The following CHMP2B variants were observed in gnomAD, a reference collection of about 807,000 sequenced individuals.
CHMP2B encodes charged multivesicular body protein 2B, also known as VPS2 homolog B.
CHMP2B carries 22 observed loss-of-function variants against 29.8 expected under a neutral mutation model. The ratio of observed to expected loss-of-function variants is 0.74; its 90% CI spans 0.53 to 1.05. The LOEUF is 1.05. Among genes scored for constraint, CHMP2B ranks in the 50% least tolerant of loss-of-function variants. CHMP2B has a pLI of 0.00. For missense variants in CHMP2B, 261 were observed against 252.2 expected, an observed-to-expected ratio of 1.03 and a Z score of -0.24; for synonymous variants, 78 against 75.8, an observed-to-expected ratio of 1.03 and a Z score of -0.15.
At chr3:87,233,841 A>G (rs1705949184) in intron 1 of CHMP2B, among the ~76,000 whole-genome samples, 1 of 152,214 alleles carries the variant, frequency 6.6e-6, no homozygotes, top group South Asian at 2.1e-4. Flanking sequence ...ATAAAAATGT[A>G]TTTTCTCAAA....
rs1706361854 is a variant in CHMP2B at position 87,254,109 on chromosome 3, C to T, written c.*287C>T. The T allele has an allele frequency of 3.4e-6, 1 of 292,768 alleles. No homozygotes were observed. Among genetic ancestry groups the T allele is most frequent in the African/African-American group, 2.2e-5 (1 of 45,432 alleles). 18.1% of individuals were successfully genotyped at this position (292,768 alleles called of 1,614,324 possible). On this transcript the variant is annotated 3_prime_UTR_variant, in exon 6 of 6. Transcript: ENST00000263780. ...CACAGAGAAATTATATTCCTTACTTCATGTCAGTTTATGTTCTAAATCTTT... is the reference window on the plus strand; with the variant it reads ...CACAGAGAAATTATATTCCTTACTTTATGTCAGTTTATGTTCTAAATCTTT...
At chr3:87,239,107 A>G (rs1367165052) in intron 1 of CHMP2B, among the ~76,000 whole-genome samples, 1 of 152,150 alleles carries the variant, frequency 6.6e-6, no homozygotes, top group Non-Finnish European at 1.5e-5. Flanking sequence ...TAGCTCATTT[A>G]AAAGTTGGGT....
chr3:87,227,637 T>A (rs1041559270), intron 1 of CHMP2B, 81 bp downstream of exon 1: 12 of 1,569,618 alleles, frequency 7.6e-6, no homozygotes, highest in African/African-American at 2.7e-5. Context: ...CGATTCTGCC[T>A]ACTGTCCCTG....
At chr3:87,228,192 T>C (rs1705847954) in intron 1 of CHMP2B, among the ~76,000 whole-genome samples, 1 of 152,232 alleles carries the variant, frequency 6.6e-6, no homozygotes, top group Non-Finnish European at 1.5e-5. Context: ...GGGTATATAT[T>C]GTCTTCATAG....
intron 3 of CHMP2B, among the ~76,000 whole-genome samples, chr3:87,246,438 A>G (rs902045509): frequency 1.3e-5 from 2 of 152,080 alleles, no homozygotes; most frequent in Non-Finnish European, 2.9e-5. Flanking sequence ...CGCCCAGCCA[A>G]CAATCCCTTT....
rs1268823153 is a variant in CHMP2B, at chr3:87,242,357, G to A, written c.126+1567G>A. Reference sequence around the variant, plus strand: ...TTCAATGTTGGAGTTTCTTACAAACGTCAATTAGGTCAAATTGGTGATAGT... The same window carrying A: ...TTCAATGTTGGAGTTTCTTACAAACATCAATTAGGTCAAATTGGTGATAGT... On this transcript the variant is annotated intron_variant, in intron 2 of 5. Transcript: ENST00000263780. Among the ~76,000 whole-genome samples the A allele has an allele frequency of 3.3e-5, 5 of 151,974 alleles. No homozygotes were observed. In the East Asian group the frequency reaches 7.7e-4, roughly 23 times the overall value.
chr3:87,248,756 G>A (rs1485777723), intron 3 of CHMP2B, among the ~76,000 whole-genome samples: 1 of 152,076 alleles, frequency 6.6e-6, no homozygotes, highest in Non-Finnish European at 1.5e-5. Context: ...GGTGTGTTGG[G>A]GGTGGGGAGG....
At chr3:87,233,652 C>A (rs1174763521) in intron 1 of CHMP2B, among the ~76,000 whole-genome samples, 1 of 152,122 alleles carries the variant, frequency 6.6e-6, no homozygotes, top group Non-Finnish European at 1.5e-5. Context: ...CCCACTGACA[C>A]TAGCTGTTAC....
In CHMP2B at chr3:87,242,979, T is replaced by A. The variant is rs1327548100; in HGVS notation, c.126+2189T>A. On this transcript the variant is annotated intron_variant, in intron 2 of 5. Transcript: ENST00000263780. ...ATCAATTTCTACAAAAAAGATCAGATTTTGATTGGGATTACATTGAATAGT... is the reference window on the plus strand; with the variant it reads ...ATCAATTTCTACAAAAAAGATCAGAATTTGATTGGGATTACATTGAATAGT... Among the ~76,000 whole-genome samples, 2 of 152,136 alleles carry A rather than the reference T, an allele frequency of 1.3e-5. 1 individual carries two copies. Among genetic ancestry groups the A allele is most frequent in the Non-Finnish European group, 2.9e-5 (2 of 68,018 alleles).
chr3:87,253,604 T>C (rs1706352486), intron 5 of CHMP2B, 94 bp downstream of exon 5: 7 of 1,349,764 alleles, frequency 5.2e-6, no homozygotes, highest in Non-Finnish European at 7.4e-6. Context: ...GCATGGTTTT[T>C]ATTTCTGTTT....
In CHMP2B at chr3:87,246,815, G is replaced by A. The variant is rs146308242; in HGVS notation, c.321+907G>A. ...TTAGTCATCAAAAGAGGTTAAGACA[G>A]AAACTGTGCTTTCACAAATTTTATA... On this transcript the variant is annotated intron_variant, in intron 3 of 5. Coordinates refer to ENST00000263780, the MANE Select transcript of CHMP2B (RefSeq NM_014043.4). Among the ~76,000 whole-genome samples, 289 of 152,304 alleles carry A rather than the reference G, an allele frequency of 1.9e-3. 5 individuals carry two copies. The highest frequency in any genetic ancestry group is 6.5e-3 in the African/African-American group (270 of 41,566).
At chr3:87,243,103 A>G (rs1024910503) in intron 2 of CHMP2B, among the ~76,000 whole-genome samples, 1 of 152,144 alleles carries the variant, frequency 6.6e-6, no homozygotes, top group African/African-American at 2.4e-5. Context: ...TGAAGTTATT[A>G]TGTATCTCTC....
chr3:87,227,650 G>A (rs1705837375), intron 1 of CHMP2B, 94 bp downstream of exon 1: 1 of 1,535,500 alleles, frequency 6.5e-7, no homozygotes, highest in African/African-American at 1.4e-5. Flanking sequence ...TGTCCCTGGA[G>A]GCGGGGCTGG....
chr3:87,250,957 A>G (rs75326673), intron 4 of CHMP2B, among the ~76,000 whole-genome samples: 5,103 of 151,960 alleles, frequency 0.034, 125 homozygotes, highest in African/African-American at 0.065. Context: ...TCAAAAACTG[A>G]CATCATTGTT....
intron 1 of CHMP2B, among the ~76,000 whole-genome samples, chr3:87,229,886 T>C (rs772398731): frequency 3.3e-5 from 5 of 152,176 alleles, no homozygotes; most frequent in African/African-American, 1.2e-4. Context: ...ACAGCACTTA[T>C]TACTATTCAG....
At chr3:87,236,137 T>C (rs1376759956) in intron 1 of CHMP2B, among the ~76,000 whole-genome samples, 1 of 152,074 alleles carries the variant, frequency 6.6e-6, no homozygotes, top group Non-Finnish European at 1.5e-5. Flanking sequence ...GGTTTTTTTA[T>C]AACCTAATCT....
chr3:87,243,530 G>A (rs1338198903), intron 2 of CHMP2B, among the ~76,000 whole-genome samples: 1 of 151,996 alleles, frequency 6.6e-6, no homozygotes, highest in Non-Finnish European at 1.5e-5. Context: ...GAGTTGGCAA[G>A]GGTCCCATAC....
chr3:87,227,502 G>A lies in CHMP2B; in HGVS notation c.-21G>A, dbSNP rs775571812. ...GGGCCGGACCGGGCCGAGCCGGGCC[G>A]CCCGGGCGCAGTCTTTAACCATGGC... On this transcript the variant is annotated 5_prime_UTR_variant, in exon 1 of 6. Coordinates refer to ENST00000263780, the MANE Select transcript of CHMP2B (RefSeq NM_014043.4). The A allele has an allele frequency of 6.2e-7, 1 of 1,614,082 alleles. No homozygotes were observed. The highest frequency in any genetic ancestry group is 8.5e-7 in the Non-Finnish European group (1 of 1,179,984).
intron 3 of CHMP2B, among the ~76,000 whole-genome samples, chr3:87,246,231 G>A (rs550116665): frequency 2.6e-5 from 4 of 151,880 alleles, no homozygotes; most frequent in East Asian, 3.9e-4. Flanking sequence ...TCCGCCTCCT[G>A]GATTCAAGTG....
Sources: gnomAD v4.1 joint callset for allele counts (sites outside exome capture counted in the v4.1 genomes callset) on GRCh38, gnomAD v4.1.1 for gene constraint, MANE v1.5 for transcripts, NCBI Gene and HGNC (gene_info 2026-07-23, HGNC 2026-07-21) for gene names.